CFAP47: variants seen among roughly 807,000 people sequenced by gnomAD.
CFAP47 encodes the protein cilia- and flagella-associated protein 47.
CFAP47 carries 29 observed loss-of-function variants against 148.1 expected under a neutral mutation model. The ratio of observed to expected loss-of-function variants is 0.20; its 90% confidence interval spans 0.15 to 0.27. The LOEUF is 0.27. Among genes scored for constraint, CFAP47 ranks in the 10% least tolerant of loss-of-function variants. The pLI, the probability that CFAP47 is intolerant of heterozygous loss-of-function variation, is 1.00. For missense variants in CFAP47, 1,872 were observed against 1,697.5 expected, an observed-to-expected ratio of 1.10 and a Z score of -1.81; for synonymous variants, 664 against 577.3, an observed-to-expected ratio of 1.15 and a Z score of -2.15.
At chrX:35,940,416 T>G (rs1017808886) in intron 2 of CFAP47, among the ~76,000 whole-genome samples, 2 of 111,344 alleles carry the variant, frequency 1.8e-5, no homozygotes, top group African/African-American at 6.5e-5. Flanking sequence ...TTCTAGGGTT[T>G]TTATGGTTTT....
chrX:35,995,265 T>C (rs1936833255), intron 18 of CFAP47, among the ~76,000 whole-genome samples: 2 of 111,537 alleles, frequency 1.8e-5, no homozygotes, highest in Non-Finnish European at 3.8e-5. Flanking sequence ...AAATGGATGA[T>C]AGTGGGAAAA....
rs1353673440 is a variant in CFAP47 at position 36,145,069 on chromosome X, ATATATGCGTG to A, written c.5536-148_5536-139del. ...TCCTAATAAATTCCCGTTTATATATATATATGCGTGTGTGTGTGTGTGTGTGTGTGTGTGT... is the reference window on the plus strand; with the variant it reads ...TCCTAATAAATTCCCGTTTATATATATGTGTGTGTGTGTGTGTGTGTGTGT... On this transcript the variant is annotated intron_variant, in intron 35 of 63. Coordinates refer to ENST00000378653, the MANE Select transcript of CFAP47 (RefSeq NM_001304548.2). The A allele has an allele frequency of 2.8e-5, 10 of 362,846 alleles. No homozygotes were observed. The African/African-American group carries it at 3.8e-4, about 14-fold the overall frequency. The allele number at this position is 362,846 out of a possible 1,213,427, so 29.9% of individuals were successfully genotyped here.
intron 29 of CFAP47, among the ~76,000 whole-genome samples, chrX:36,081,222 G>A (rs1022817607): frequency 9.0e-6 from 1 of 111,211 alleles, no homozygotes; most frequent in African/African-American, 3.3e-5. Context: ...TGAACACTTC[G>A]GTGCACAAGA....
At chrX:36,361,182 C>T (rs1336837532) in intron 60 of CFAP47, 148 bp from the exon 61 acceptor site, 3 of 308,699 alleles carry the variant, frequency 9.7e-6, no homozygotes, top group Non-Finnish European at 1.7e-5. Context: ...CCTGATAATG[C>T]ACTAGACTTT....
chrX:36,280,183 A>G (rs1556003359), intron 49 of CFAP47, among the ~76,000 whole-genome samples: 3 of 111,119 alleles, frequency 2.7e-5, no homozygotes, highest in Non-Finnish European at 5.7e-5. Context: ...CAGGGGCAAT[A>G]AGTATTCTGA....
At chrX:35,957,869 T>C (rs1455435714) in intron 8 of CFAP47, among the ~76,000 whole-genome samples, 2 of 112,409 alleles carry the variant, frequency 1.8e-5, no homozygotes, top group African/African-American at 6.5e-5. Context: ...AAGATTATTC[T>C]TTTTAAATAA....
At chrX:36,128,441 A>G (rs952340413) in intron 33 of CFAP47, among the ~76,000 whole-genome samples, 3 of 111,155 alleles carry the variant, frequency 2.7e-5, no homozygotes, top group Non-Finnish European at 5.7e-5. Flanking sequence ...GAAGGATTTA[A>G]AACCTATTCT....
At chrX:36,356,506 G>T (rs1556018470) in intron 60 of CFAP47, among the ~76,000 whole-genome samples, 2 of 110,992 alleles carry the variant, frequency 1.8e-5, no homozygotes, top group Admixed American at 1.9e-4. Flanking sequence ...CCTTTCCCCT[G>T]CCCTTATTCC....
intron 57 of CFAP47, among the ~76,000 whole-genome samples, chrX:36,328,375 A>G (rs782232714): frequency 8.9e-6 from 1 of 112,300 alleles, no homozygotes; most frequent in East Asian, 2.8e-4. Flanking sequence ...TTAAAATGGC[A>G]ATGTTCTCTA....
chrX:36,099,996 AT>A (rs201260518), intron 32 of CFAP47, 117 bp downstream of exon 32: 124 of 395,875 alleles, frequency 3.1e-4, no homozygotes, highest in Admixed American at 3.7e-4. Flanking sequence ...TAAATGAGAG[AT>A]TTTTTTTTAT....
chrX:36,092,111 A>T (rs773541268), intron 30 of CFAP47, among the ~76,000 whole-genome samples: 44 of 111,697 alleles, frequency 3.9e-4, no homozygotes, highest in African/African-American at 1.3e-3. Flanking sequence ...AAGTATATAT[A>T]AAAACATAAA....
intron 61 of CFAP47, among the ~76,000 whole-genome samples, chrX:36,366,334 C>A: frequency 8.9e-6 from 1 of 111,734 alleles, no homozygotes; most frequent in Admixed American, 9.5e-5. Context: ...TTGTCATAGT[C>A]AAATGCTTTG....
At chrX:36,191,042 T>C (rs1939860444) in intron 42 of CFAP47, among the ~76,000 whole-genome samples, 1 of 111,619 alleles carries the variant, frequency 9.0e-6, no homozygotes, top group Non-Finnish European at 1.9e-5. Flanking sequence ...AAAAATAATA[T>C]ACCTATTAGA....
intron 49 of CFAP47, among the ~76,000 whole-genome samples, chrX:36,274,507 A>T (rs1940993267): frequency 9.0e-6 from 1 of 111,668 alleles, no homozygotes. Flanking sequence ...CTCTTTGCAA[A>T]TTGAGGGGCA....
chrX:36,280,261 A>C (rs1556003363), intron 49 of CFAP47, among the ~76,000 whole-genome samples: 8 of 111,161 alleles, frequency 7.2e-5, no homozygotes, highest in Non-Finnish European at 1.5e-4. Flanking sequence ...AAAAATTACC[A>C]TTTTAATGGA....
rs1556024925 is a variant in CFAP47 at position 36,384,987 on chromosome X, CTTTGGTG to C, written c.9546_9552del (p.Leu3183ArgfsTer18). The C allele has an allele frequency of 8.6e-7, 1 of 1,158,043 alleles. No homozygotes were observed. The highest frequency in any genetic ancestry group is 1.8e-5 in the African/African-American group (1 of 55,522). ...GTGTCTTCCACCATCAAGGGTGCTC[CTTTGGTG>C]AAGAATCAATAAAATTTTTTTCCAA... On this transcript the variant is annotated frameshift_variant, in exon 64 of 64. Transcript: ENST00000378653. LOFTEE classifies it high-confidence loss of function.
chrX:36,206,737 A>G (rs1451216247), intron 45 of CFAP47, among the ~76,000 whole-genome samples: 1 of 112,215 alleles, frequency 8.9e-6, no homozygotes, highest in Non-Finnish European at 1.9e-5. Context: ...TCTACATTTA[A>G]AAATCTGTTC....
intron 26 of CFAP47, among the ~76,000 whole-genome samples, chrX:36,061,199 C>T (rs1194715368): frequency 9.0e-6 from 1 of 111,097 alleles, no homozygotes. Context: ...AGGCCTGCTT[C>T]CTCTTCACCT....
In CFAP47 at chrX:36,046,844, T is replaced by A; in HGVS notation, c.4008-10T>A. On this transcript the variant is annotated splice_polypyrimidine_tract_variant and intron_variant, in intron 25 of 63. Coordinates refer to ENST00000378653, the MANE Select transcript of CFAP47 (RefSeq NM_001304548.2). ...TTGAGCTAATGAAACATTTTTTTTA[T>A]TTTAAACAGAAATTCAACTCTATGT... The A allele has an allele frequency of 9.1e-7, 1 of 1,099,385 alleles. No homozygotes were observed. Among genetic ancestry groups the A allele is most frequent in the Non-Finnish European group, 1.2e-6 (1 of 827,097 alleles). 90.6% of individuals were successfully genotyped at this position (1,099,385 alleles called of 1,213,427 possible). A position where few individuals can be genotyped will look rare whatever the true frequency, so the allele number is the denominator to read the frequency against.
Sources: gnomAD v4.1 joint callset for allele counts (sites outside exome capture counted in the v4.1 genomes callset) on GRCh38, gnomAD v4.1.1 for gene constraint, MANE v1.5 for transcripts, NCBI Gene and HGNC (gene_info 2026-07-23, HGNC 2026-07-21) for gene names.